The following CFHR4 variants were observed in gnomAD, a reference collection of about 807,000 sequenced individuals.
CFHR4 encodes the protein complement factor H-related protein 4.
CFHR4 carries 64 observed loss-of-function variants against 69.3 expected under a neutral mutation model. The observed-to-expected ratio is 0.92, with a 90% CI of 0.76 to 1.14. The LOEUF is 1.14. Among genes scored for constraint, CFHR4 ranks in the 50% most tolerant of loss-of-function variants. The pLI is 0.00. For synonymous variants in CFHR4, 244 were observed against 237.0 expected (o/e 1.03, Z -0.27); for missense variants, 636 against 684.9 (o/e 0.93, Z 0.80).
rs1353576443 is a variant in CFHR4, at chr1:196,918,213, C to A, written c.1544C>A (p.Pro515Gln). The A allele has an allele frequency of 3.1e-6, 5 of 1,602,412 alleles. No individual in the cohort carries two copies. The South Asian group carries it at 5.5e-5, about 18-fold the overall frequency. ...TTGTTTCTTTTTCTGCTTTCAGATC[C>A]ATGTATAATAACTGAAGAAAACATG... The part of the protein sequence containing the change: ...EWSEPPRCIH[P>Q]CIITEENMNK... The change falls in exon 10 of 10, where the codon CCA (proline) becomes CAA (glutamine). Residue 515 changes from proline (P) to glutamine (Q), a missense_variant. By Grantham distance (76) the Pro-to-Gln change is moderately conservative. Coordinates refer to ENST00000608469, the MANE Select transcript of CFHR4 (RefSeq NM_001201550.3).
chr1:196,901,644 A>G (rs1311935785), intron 1 of CFHR4, among the ~76,000 whole-genome samples: 1 of 151,340 alleles, frequency 6.6e-6, no homozygotes, highest in Non-Finnish European at 1.5e-5. Flanking sequence ...GGAAATGGAA[A>G]CTTTTTTTGG....
chr1:196,897,985 C>G (rs1657402362), intron 1 of CFHR4, among the ~76,000 whole-genome samples: 1 of 151,464 alleles, frequency 6.6e-6, no homozygotes, highest in Non-Finnish European at 1.5e-5. Flanking sequence ...TGAAAGACTT[C>G]TGTGTGGAAT....
chr1:196,904,231 G>A (rs996517250), intron 2 of CFHR4, among the ~76,000 whole-genome samples: 4 of 151,562 alleles, frequency 2.6e-5, no homozygotes, highest in African/African-American at 9.7e-5. Flanking sequence ...GTTTACGAGA[G>A]AAACTGAATA....
rs1431313172 is a variant in CFHR4, at chr1:196,909,317, G to T, written c.800-964G>T. On this transcript the variant is annotated intron_variant, in intron 5 of 9. Transcript: ENST00000608469. ...TAAAGAAGCAAAGAGCATTCAAGCA[G>T]GGAATTCTAGGGAAAAAGGCAACCT... Among the ~76,000 whole-genome samples, 2 of 151,414 alleles carry T rather than the reference G, an allele frequency of 1.3e-5. 1 individual carries two copies. The highest frequency in any genetic ancestry group is 4.9e-5 in the African/African-American group (2 of 41,014).
At chr1:196,900,828 C>T (rs1384464539) in intron 1 of CFHR4, among the ~76,000 whole-genome samples, 1 of 151,148 alleles carries the variant, frequency 6.6e-6, no homozygotes. Flanking sequence ...ATTTTAAGCT[C>T]AACTTTGGAA....
chr1:196,899,710 A>C (rs531516903), intron 1 of CFHR4, among the ~76,000 whole-genome samples: 63 of 151,862 alleles, frequency 4.1e-4, no homozygotes, highest in Non-Finnish European at 7.6e-4. Flanking sequence ...TGAAAATGCT[A>C]GATCAGCCCA....
intron 9 of CFHR4, 122 bp from the exon 10 acceptor site, chr1:196,918,088 A>G (rs1408463725): frequency 1.9e-6 from 2 of 1,060,886 alleles, no homozygotes; most frequent in Non-Finnish European, 2.6e-6. Flanking sequence ...CAAATTAATA[A>G]CTATTAACTA....
intron 6 of CFHR4, 148 bp from the exon 7 acceptor site, chr1:196,912,592 G>A: frequency 1.1e-6 from 1 of 901,824 alleles, no homozygotes; most frequent in Non-Finnish European, 1.5e-6. Context: ...TAAGAACACG[G>A]ATGTCTAGGA....
In CFHR4 at chr1:196,917,884, C is replaced by T. The variant is rs552520155; in HGVS notation, c.1541-326C>T. Among the ~76,000 whole-genome samples, 71 of 151,606 alleles carry T rather than the reference C, an allele frequency of 4.7e-4. 3 individuals are homozygous for T. The highest frequency in any genetic ancestry group is 1.7e-3 in the African/African-American group (69 of 41,120). On this transcript the variant is annotated intron_variant, in intron 9 of 9. Coordinates refer to ENST00000608469, the MANE Select transcript of CFHR4 (RefSeq NM_001201550.3). Reference sequence around the variant, plus strand: ...ATAAGTAACCATGACTCCAGTGGAACATGTTAGCATAATCCTTTTTGATAT... The same window carrying T: ...ATAAGTAACCATGACTCCAGTGGAATATGTTAGCATAATCCTTTTTGATAT...
chr1:196,914,562 T>C lies in CFHR4; in HGVS notation c.1248T>C (p.His416=), dbSNP rs750558068. 6.2e-7 allele frequency: 1 copy of C among 1,611,646 alleles called. No individual in the cohort carries two copies. Among genetic ancestry groups the C allele is most frequent in the South Asian group, 1.1e-5 (1 of 90,838 alleles). The part of the protein sequence containing the change: ...AKSNGMRFKL[H]DTLDYECYDG... ...GTAATGGCATGCGGTTTAAGCTCCA[T>C]GACACATTGGACTACGAATGCTACG... Residue 416 remains histidine, a synonymous_variant, in exon 8 of 10, where the codon CAT becomes CAC. Transcript: ENST00000608469.
chr1:196,892,967 C>T (rs1204320468), intron 1 of CFHR4, among the ~76,000 whole-genome samples: 1 of 151,438 alleles, frequency 6.6e-6, no homozygotes, highest in East Asian at 1.9e-4. Flanking sequence ...ATTAATAACC[C>T]TAATATTAAT....
chr1:196,907,179 T>TAA, intron 4 of CFHR4, 137 bp from the exon 5 acceptor site: 1 of 1,194,698 alleles, frequency 8.4e-7, no homozygotes, highest in Non-Finnish European at 1.2e-6. Flanking sequence ...CCTTGAAACT[T>TAA]AAAAAAAAAG....
At chr1:196,890,489 C>G (rs771724290) in intron 1 of CFHR4, among the ~76,000 whole-genome samples, 14 of 151,490 alleles carry the variant, frequency 9.2e-5, no homozygotes, top group Admixed American at 6.6e-4. Flanking sequence ...TTATTTCTTC[C>G]ATCAACTTGT....
chr1:196,910,442 A>G lies in CFHR4; in HGVS notation c.961A>G (p.Thr321Ala). The change falls in exon 6 of 10, where the codon ACA becomes GCA. Residue 321 changes from threonine (T) to alanine (A), a missense_variant. Transcript: ENST00000608469. ...SGSYWDYIHC[T>A]QDGWLPTVPC... ...AAGTTACTGGGATTACATTCACTGC[A>G]CACAAGATGGGTGGTTGCCAACAGT... 2 of 1,612,874 alleles carry G rather than the reference A, an allele frequency of 1.2e-6. No individual in the cohort carries two copies. The highest frequency in any genetic ancestry group is 3.3e-4 in the Middle Eastern group (2 of 6,058).
At position 196,906,973 on chromosome 1, in the gene CFHR4, T is replaced by C. The variant is rs1423998728; in HGVS notation, c.552T>C (p.Tyr184=). The C allele has an allele frequency of 2.5e-6, 4 of 1,612,704 alleles. No homozygotes were observed. The highest frequency in any genetic ancestry group is 4.5e-5 in the East Asian group (2 of 44,806). ...GCTATGATGGATATGAAAGCAGTTA[T>C]GGAAACACCACAGATTCCATAGTGT... ...YECYDGYESS[Y]GNTTDSIVCG... is the part of the protein sequence containing the mutation. Residue 184 remains tyrosine, a synonymous_variant, in exon 4 of 10, where the codon TAT becomes TAC. Transcript: ENST00000608469.
intron 4 of CFHR4, 64 bp from the exon 5 acceptor site, chr1:196,907,252 C>T (rs548732013): frequency 5.0e-6 from 7 of 1,405,174 alleles, no homozygotes; most frequent in Admixed American, 1.7e-5. Context: ...ATATAAAAAG[C>T]TTTATTCAGA....
At chr1:196,902,647 T>C in intron 2 of CFHR4, 32 bp downstream of exon 2, 1 of 1,484,328 alleles carries the variant, frequency 6.7e-7, no homozygotes. Flanking sequence ...AATATGTGCA[T>C]AAAACTTGAA....
intron 7 of CFHR4, among the ~76,000 whole-genome samples, chr1:196,913,928 T>A (rs1046006636): frequency 6.6e-6 from 1 of 151,522 alleles, no homozygotes; most frequent in Non-Finnish European, 1.5e-5. Context: ...TTTCAATTTC[T>A]ATGCTTATCA....
Position 196,914,723 on chromosome 1 carries a change from A to T in CFHR4, c.1357+52A>T, listed in dbSNP as rs752831043. The T allele has an allele frequency of 2.7e-6, 4 of 1,501,116 alleles. No homozygotes were observed. The South Asian group carries it at 3.9e-5, about 15-fold the overall frequency. 93.0% of individuals were successfully genotyped at this position (1,501,116 alleles called of 1,614,324 possible). On this transcript the variant is annotated intron_variant, in intron 8 of 9. Transcript: ENST00000608469. ...ATTAGAATTAAATAAAATAATAGAC[A>T]CCTACATATGTATATGTACACATAT...
Sources: allele counts gnomAD v4.1 joint callset (sites outside exome capture counted in the v4.1 genomes callset), GRCh38; gene constraint gnomAD v4.1.1; transcripts MANE v1.5; gene names NCBI Gene and HGNC (gene_info 2026-07-23, HGNC 2026-07-21).